The following GUCY1A2 variants were observed in gnomAD, a reference collection of about 807,000 sequenced individuals.
GUCY1A2 encodes the protein guanylate cyclase 1 soluble subunit alpha 2.
GUCY1A2 carries 27 observed loss-of-function variants against 63.5 expected under a neutral mutation model. The ratio of observed to expected loss-of-function variants is 0.43; its 90% CI spans 0.31 to 0.59. The LOEUF (loss-of-function observed/expected upper bound fraction) is 0.59. Among genes scored for constraint, GUCY1A2 ranks in the 20% least tolerant of loss-of-function variants. GUCY1A2 has a pLI of 0.11. For synonymous variants in GUCY1A2, 364 were observed against 343.5 expected (o/e 1.06, Z -0.66); for missense variants, 768 against 913.3 (o/e 0.84, Z 2.05).
At chr11:106,972,951 A>G (rs1861215065) in intron 3 of GUCY1A2, among the ~76,000 whole-genome samples, 1 of 152,114 alleles carries the variant, frequency 6.6e-6, no homozygotes, top group South Asian at 2.1e-4. Context: ...ACTGACTTGT[A>G]TAACTTAAGG....
chr11:106,704,047 C>CATAGGA (rs1294673086), intron 7 of GUCY1A2, among the ~76,000 whole-genome samples: 1 of 152,028 alleles, frequency 6.6e-6, no homozygotes, highest in Non-Finnish European at 1.5e-5. Flanking sequence ...AATAAAAACA[C>CATAGGA]ATAGGAATAA....
At chr11:106,936,857 C>A in intron 4 of GUCY1A2, 2 of 519,224 alleles carry the variant, frequency 3.9e-6, no homozygotes, top group East Asian at 2.9e-5. Context: ...TAAAAGCCAA[C>A]TAAAAAATTA....
intron 3 of GUCY1A2, among the ~76,000 whole-genome samples, chr11:106,953,024 T>C (rs1175285210): frequency 6.6e-6 from 1 of 152,182 alleles, no homozygotes; most frequent in Non-Finnish European, 1.5e-5. Flanking sequence ...CCTTTATTTC[T>C]TTCTCTTGCC....
intron 5 of GUCY1A2, among the ~76,000 whole-genome samples, chr11:106,788,579 G>A (rs1256068438): frequency 6.6e-6 from 1 of 152,140 alleles, no homozygotes; most frequent in East Asian, 1.9e-4. Context: ...TGACATAGTG[G>A]TCTAGTTTCT....
chr11:106,902,579 C>T (rs1860149039), intron 4 of GUCY1A2, among the ~76,000 whole-genome samples: 1 of 152,170 alleles, frequency 6.6e-6, no homozygotes, highest in South Asian at 2.1e-4. Flanking sequence ...GCTAGATCTT[C>T]TGGATCTCCT....
chr11:106,709,252 AATAT>A (rs1216530339), intron 6 of GUCY1A2, among the ~76,000 whole-genome samples: 1 of 57,090 alleles, frequency 1.8e-5, no homozygotes, highest in Non-Finnish European at 2.9e-5. Flanking sequence ...TATTGTATAT[AATAT>A]ATATAAATAT....
At chr11:106,987,652 CA>C (rs59863037) in intron 1 of GUCY1A2, among the ~76,000 whole-genome samples, 2,631 of 108,772 alleles carry the variant, frequency 0.024, 41 homozygotes, top group Middle Eastern at 0.065. Context: ...GACTCTGCCT[CA>C]AAAAAAAAAA....
chr11:106,827,366 C>G (rs541186993), intron 4 of GUCY1A2: 194 of 1,554,124 alleles, frequency 1.2e-4, no homozygotes, highest in East Asian at 9.9e-4. Flanking sequence ...ATAGCTTTAT[C>G]TTTAATGGCC....
chr11:106,977,113 G>C (rs1269257857), intron 3 of GUCY1A2, among the ~76,000 whole-genome samples: 1 of 152,186 alleles, frequency 6.6e-6, no homozygotes, highest in African/African-American at 2.4e-5. Flanking sequence ...GGTCAGGAAA[G>C]TGTTTAGAAA....
intron 4 of GUCY1A2, among the ~76,000 whole-genome samples, chr11:106,902,340 C>A (rs1282784095): frequency 6.6e-6 from 1 of 152,142 alleles, no homozygotes; most frequent in Non-Finnish European, 1.5e-5. Flanking sequence ...ATAGATTTAG[C>A]ATTCTTTTTA....
chr11:106,840,158 T>C (rs1173315512), intron 4 of GUCY1A2, among the ~76,000 whole-genome samples: 1 of 151,946 alleles, frequency 6.6e-6, no homozygotes, highest in African/African-American at 2.4e-5. Flanking sequence ...AAATAAGGTA[T>C]CTCTCATCTG....
At chr11:106,887,968 C>T (rs1391086953) in intron 4 of GUCY1A2, among the ~76,000 whole-genome samples, 2 of 152,070 alleles carry the variant, frequency 1.3e-5, no homozygotes, top group Non-Finnish European at 2.9e-5. Context: ...GGGCTAGAGT[C>T]CTACCTAGTT....
chr11:106,863,231 C>A (rs563122678), intron 4 of GUCY1A2, among the ~76,000 whole-genome samples: 12 of 152,056 alleles, frequency 7.9e-5, no homozygotes, highest in African/African-American at 1.4e-4. Flanking sequence ...ATTTCCTGAA[C>A]GGTATTGCCT....
At chr11:106,826,736 C>T in intron 4 of GUCY1A2, 1 of 1,610,722 alleles carries the variant, frequency 6.2e-7, no homozygotes, top group Non-Finnish European at 8.5e-7. Flanking sequence ...ATGCACTTTG[C>T]TGCATACCAT....
intron 4 of GUCY1A2, among the ~76,000 whole-genome samples, chr11:106,921,230 T>C (rs1354467444): frequency 1.3e-5 from 2 of 152,060 alleles, no homozygotes; most frequent in African/African-American, 2.4e-5. Context: ...TCAATTCCCA[T>C]ATCCTGAAAT....
At chr11:106,710,754 C>T (rs776353083) in intron 6 of GUCY1A2, among the ~76,000 whole-genome samples, 2 of 151,886 alleles carry the variant, frequency 1.3e-5, no homozygotes, top group Non-Finnish European at 2.9e-5. Flanking sequence ...ATAACTGAAG[C>T]GAATGGATAA....
chr11:106,719,286 C>T (rs935702741), intron 6 of GUCY1A2, among the ~76,000 whole-genome samples: 2 of 151,284 alleles, frequency 1.3e-5, no homozygotes, highest in East Asian at 1.9e-4. Context: ...ACAGATAATC[C>T]GGAATAAAAT....
intron 4 of GUCY1A2, among the ~76,000 whole-genome samples, chr11:106,857,631 T>C (rs10890613): frequency 0.92 from 139,618 of 152,186 alleles, 64,122 homozygotes; most frequent in East Asian, 1. Flanking sequence ...TACAGTCAGC[T>C]CTCTGTATCT....
At chr11:106,690,840 C>T (rs993721761) in intron 7 of GUCY1A2, among the ~76,000 whole-genome samples, 1 of 152,122 alleles carries the variant, frequency 6.6e-6, no homozygotes, top group Admixed American at 6.6e-5. Context: ...TAAACACAGT[C>T]AAGCTTAGCC....
Sources: gnomAD v4.1 joint callset for allele counts (sites outside exome capture counted in the v4.1 genomes callset) on GRCh38, gnomAD v4.1.1 for gene constraint, MANE v1.5 for transcripts, NCBI Gene and HGNC (gene_info 2026-07-23, HGNC 2026-07-21) for gene names.